The following XRCC5 variants were observed in gnomAD, a reference collection of about 807,000 sequenced individuals.
XRCC5 encodes DNA repair protein Ku80.
In XRCC5, 12 loss-of-function variants were observed where a neutral mutation model predicts 95.7. That is an observed-to-expected ratio of 0.13 (90% CI 0.08 to 0.20). The LOEUF (loss-of-function observed/expected upper bound fraction) is 0.20, where lower values mean the gene tolerates loss of function less well. Among genes scored for constraint, XRCC5 ranks in the 10% least tolerant of loss-of-function variants. The pLI is 1.00. For synonymous variants in XRCC5, 281 were observed against 290.3 expected, an observed-to-expected ratio of 0.97 and a Z score of 0.33; for missense variants, 595 against 873.9, an observed-to-expected ratio of 0.68 and a Z score of 4.02.
intron 13 of XRCC5, among the ~76,000 whole-genome samples, chr2:216,147,387 G>A (rs181363690): frequency 1.2e-4 from 19 of 152,240 alleles, no homozygotes; most frequent in African/African-American, 3.6e-4. Context: ...CTAGGGTATG[G>A]TGAGCAGTTC....
intron 16 of XRCC5, among the ~76,000 whole-genome samples, chr2:216,181,109 G>A (rs1396629632): frequency 2.6e-5 from 4 of 152,116 alleles, no homozygotes; most frequent in East Asian, 1.9e-4. Flanking sequence ...CACTGCGCCC[G>A]GCCTTGAGTT....
intron 13 of XRCC5, among the ~76,000 whole-genome samples, chr2:216,146,864 G>C (rs758591720): frequency 6.6e-6 from 1 of 152,202 alleles, no homozygotes; most frequent in Non-Finnish European, 1.5e-5. Context: ...CTGGAAAAGA[G>C]CACTTTATTC....
intron 4 of XRCC5, 149 bp from the exon 5 acceptor site, chr2:216,118,894 A>G: frequency 1.2e-6 from 1 of 824,642 alleles, no homozygotes; most frequent in Non-Finnish European, 1.9e-6. Context: ...TGAATTTAAT[A>G]AGAACTTAAT....
At chr2:216,182,340 TC>T (rs1689404535) in intron 16 of XRCC5, among the ~76,000 whole-genome samples, 2 of 152,226 alleles carry the variant, frequency 1.3e-5, no homozygotes, top group Non-Finnish European at 2.9e-5. Flanking sequence ...TCTACTTACT[TC>T]CTATATTAGT....
intron 16 of XRCC5, among the ~76,000 whole-genome samples, chr2:216,168,074 G>T (rs1359353853): frequency 6.6e-6 from 1 of 152,170 alleles, no homozygotes; most frequent in African/African-American, 2.4e-5. Context: ...TGGTCTCATT[G>T]TAACACAAAA....
intron 16 of XRCC5, among the ~76,000 whole-genome samples, chr2:216,177,102 T>G (rs1418151352): frequency 6.6e-6 from 1 of 152,222 alleles, no homozygotes; most frequent in East Asian, 1.9e-4. Flanking sequence ...CTTGTTCTTA[T>G]GTGGTCTCAC....
chr2:216,161,650 A>G (rs1381021962), intron 15 of XRCC5, among the ~76,000 whole-genome samples: 1 of 152,206 alleles, frequency 6.6e-6, no homozygotes, highest in Non-Finnish European at 1.5e-5. Flanking sequence ...TGGTTGGGTG[A>G]CAGGATATAC....
intron 19 of XRCC5, among the ~76,000 whole-genome samples, chr2:216,196,531 T>C (rs1244464276): frequency 2.6e-5 from 4 of 152,058 alleles, no homozygotes; most frequent in African/African-American, 7.2e-5. Flanking sequence ...TGTATGCACA[T>C]ACACACACAC....
chr2:216,185,905 G>A lies in XRCC5; in HGVS notation c.1835-4320G>A, dbSNP rs72954637. The stretch of plus-strand genomic sequence containing the variant: ...CTCCCAAGGTGCTAGGGTTACAGGC[G>A]TGAGCCATTGCGACTGGCCATAAAT... On this transcript the variant is annotated intron_variant, in intron 16 of 20. Coordinates refer to ENST00000392132, the MANE Select transcript of XRCC5 (RefSeq NM_021141.4). 1.2e-4 allele frequency among the ~76,000 whole-genome samples: 19 copies of A among 152,244 alleles called. 1 individual carries two copies. The highest frequency in any genetic ancestry group is 4.1e-4 in the African/African-American group (17 of 41,552).
chr2:216,182,685 T>C (rs1318057764), intron 16 of XRCC5, among the ~76,000 whole-genome samples: 1 of 152,214 alleles, frequency 6.6e-6, no homozygotes, highest in Non-Finnish European at 1.5e-5. Flanking sequence ...CTTCCTTTAG[T>C]TTCTTTCTTA....
chr2:216,117,761 TC>T lies in XRCC5; in HGVS notation c.336del (p.Ile112MetfsTer2). ...ACTAGCTGAGTCCTGGATGCACTAA[TC>T]GTGAGCATGGATGTGATTCAACATG... ...SQQADFLDAL[I>X]VSMDVIQHET... is the part of the protein sequence containing the mutation. On this transcript the variant is annotated frameshift_variant, in exon 4 of 21. Transcript: ENST00000392132. LOFTEE classifies it high-confidence loss of function. 6.2e-7 allele frequency: 1 copy of T among 1,614,148 alleles called. No homozygotes were observed. The highest frequency in any genetic ancestry group is 8.5e-7 in the Non-Finnish European group (1 of 1,180,002).
intron 6 of XRCC5, among the ~76,000 whole-genome samples, chr2:216,123,465 A>G (rs1203651887): frequency 2.0e-5 from 3 of 152,200 alleles, no homozygotes; most frequent in Non-Finnish European, 4.4e-5. Context: ...TCTCTTTCAA[A>G]TTTTGGAATA....
intron 6 of XRCC5, among the ~76,000 whole-genome samples, chr2:216,124,322 C>T (rs1377690224): frequency 5.3e-5 from 8 of 152,194 alleles, no homozygotes; most frequent in East Asian, 1.9e-4. Flanking sequence ...TCTCAGCTCA[C>T]TGCAACCTCT....
At chr2:216,162,597 G>T (rs1688973919) in intron 16 of XRCC5, among the ~76,000 whole-genome samples, 1 of 151,880 alleles carries the variant, frequency 6.6e-6, no homozygotes. Context: ...TCTCCATGTT[G>T]GTCAGGCTGG....
chr2:216,149,150 C>A (rs897392993), intron 14 of XRCC5, among the ~76,000 whole-genome samples: 8 of 152,172 alleles, frequency 5.3e-5, no homozygotes, highest in Non-Finnish European at 1.2e-4. Context: ...TTTATAAATA[C>A]CCCAGTGGAG....
chr2:216,166,771 C>T (rs973121723), intron 16 of XRCC5, among the ~76,000 whole-genome samples: 3 of 151,998 alleles, frequency 2.0e-5, no homozygotes, highest in South Asian at 2.1e-4. Flanking sequence ...TTCTTTCCTC[C>T]GGACAATTCC....
chr2:216,171,397 C>T (rs1482412372), intron 16 of XRCC5, among the ~76,000 whole-genome samples: 1 of 152,246 alleles, frequency 6.6e-6, no homozygotes, highest in Non-Finnish European at 1.5e-5. Flanking sequence ...AGAACAGTTT[C>T]AGCAGGGCTG....
chr2:216,147,306 G>T (rs1442270598), intron 13 of XRCC5, among the ~76,000 whole-genome samples: 4 of 152,136 alleles, frequency 2.6e-5, no homozygotes, highest in African/African-American at 9.7e-5. Flanking sequence ...CAGCCTATTG[G>T]GGTTGTGAGT....
At chr2:216,121,744 G>A (rs1696816284) in intron 5 of XRCC5, among the ~76,000 whole-genome samples, 1 of 152,126 alleles carries the variant, frequency 6.6e-6, no homozygotes, top group Admixed American at 6.6e-5. Context: ...CAGCATAAAG[G>A]CAAATGAAGG....
Sources: gnomAD v4.1 joint callset for allele counts (sites outside exome capture counted in the v4.1 genomes callset) on GRCh38, gnomAD v4.1.1 for gene constraint, MANE v1.5 for transcripts, NCBI Gene and HGNC (gene_info 2026-07-23, HGNC 2026-07-21) for gene names.